The following SOX6 variants were observed in gnomAD, a reference collection of about 807,000 sequenced individuals.
SOX6 encodes the protein transcription factor SOX-6.
A neutral mutation model predicts 97.8 loss-of-function variants in SOX6; 11 were observed. The ratio of observed to expected loss-of-function variants is 0.11; its 90% CI spans 0.07 to 0.19. The LOEUF is 0.19. Among genes scored for constraint, SOX6 ranks in the 10% least tolerant of loss-of-function variants. SOX6 has a pLI of 1.00. For missense variants in SOX6, 810 were observed against 1,039.5 expected, an observed-to-expected ratio of 0.78 and a Z score of 3.04; for synonymous variants, 360 against 371.4, an observed-to-expected ratio of 0.97 and a Z score of 0.35.
chr11:16,099,635 A>C (rs1322554063), intron 7 of SOX6, among the ~76,000 whole-genome samples: 1 of 151,748 alleles, frequency 6.6e-6, no homozygotes, highest in Non-Finnish European at 1.5e-5. Flanking sequence ...ATTTTAAAAA[A>C]ATCAAACTCT....
chr11:16,427,063 G>A (rs568480990), intron 1 of SOX6, among the ~76,000 whole-genome samples: 1 of 152,102 alleles, frequency 6.6e-6, no homozygotes, highest in Non-Finnish European at 1.5e-5. Flanking sequence ...CATAAGCATA[G>A]GCAAAGATTT....
chr11:16,181,961 T>C (rs969992092), intron 6 of SOX6, among the ~76,000 whole-genome samples: 1 of 151,794 alleles, frequency 6.6e-6, no homozygotes, highest in African/African-American at 2.4e-5. Context: ...AAACTTCTAT[T>C]AGAAAACTTG....
intron 3 of SOX6, among the ~76,000 whole-genome samples, chr11:16,271,478 A>G (rs538358751): frequency 6.6e-6 from 1 of 151,584 alleles, no homozygotes; most frequent in Non-Finnish European, 1.5e-5. Context: ...ATTCTCCTGT[A>G]AAACTTTCTG....
chr11:16,473,627 C>T (rs907498960), intron 1 of SOX6, among the ~76,000 whole-genome samples: 3 of 150,844 alleles, frequency 2.0e-5, no homozygotes, highest in African/African-American at 7.3e-5. Context: ...TCTTGGCTCA[C>T]TGCAACCTCC....
intron 4 of SOX6, among the ~76,000 whole-genome samples, chr11:16,526,418 G>T (rs1026011970): frequency 3.3e-5 from 5 of 151,640 alleles, no homozygotes; most frequent in Non-Finnish European, 7.4e-5. Flanking sequence ...TCACTCATAG[G>T]TGGGAATTGA....
At chr11:16,576,036 G>A (rs796228162) in intron 4 of SOX6, among the ~76,000 whole-genome samples, 20 of 228 alleles carry the variant, frequency 0.088, 9 homozygotes, top group African/African-American at 0.089. Flanking sequence ...AACTACGGCC[G>A]GGCGCGGTGG....
At chr11:16,229,560 A>C (rs978525745) in intron 4 of SOX6, among the ~76,000 whole-genome samples, 1 of 151,998 alleles carries the variant, frequency 6.6e-6, no homozygotes, top group African/African-American at 2.4e-5. Flanking sequence ...AAAAAAGAGA[A>C]AACAAATATG....
intron 3 of SOX6, among the ~76,000 whole-genome samples, chr11:16,659,816 C>CT (rs1403690313): frequency 6.6e-6 from 1 of 152,026 alleles, no homozygotes; most frequent in Non-Finnish European, 1.5e-5. Flanking sequence ...ATACGGGGGC[C>CT]TATTCAGATT....
intron 1 of SOX6, among the ~76,000 whole-genome samples, chr11:16,343,360 CAACA>C (rs1161624333): frequency 4.6e-5 from 7 of 151,920 alleles, no homozygotes; most frequent in African/African-American, 1.4e-4. Context: ...TTACTTCCCT[CAACA>C]AACATCCTCT....
At chr11:16,493,880 T>G (rs1445346482) in intron 4 of SOX6, among the ~76,000 whole-genome samples, 2 of 152,204 alleles carry the variant, frequency 1.3e-5, no homozygotes, top group Non-Finnish European at 2.9e-5. Flanking sequence ...AAATTGAATA[T>G]AAGCTTTAAC....
chr11:16,358,644 A>C (rs924320362), upstream of SOX6, among the ~76,000 whole-genome samples: 1 of 152,162 alleles, frequency 6.6e-6, no homozygotes, highest in Admixed American at 6.6e-5. Context: ...AGAAATTAGC[A>C]GGATTTTTCT....
chr11:16,529,803 TC>T (rs1861214485), intron 4 of SOX6, among the ~76,000 whole-genome samples: 1 of 152,048 alleles, frequency 6.6e-6, no homozygotes, highest in African/African-American at 2.4e-5. Context: ...TTAACATTGA[TC>T]CCTTTAACAG....
At chr11:16,724,549 T>A (rs545470190) in intron 2 of SOX6, among the ~76,000 whole-genome samples, 1 of 151,842 alleles carries the variant, frequency 6.6e-6, no homozygotes, top group Non-Finnish European at 1.5e-5. Flanking sequence ...TGAGAATTTG[T>A]TAGAAATGTA....
At chr11:16,656,209 C>T (rs887321471) in intron 3 of SOX6, among the ~76,000 whole-genome samples, 1 of 152,092 alleles carries the variant, frequency 6.6e-6, no homozygotes, top group Admixed American at 6.5e-5. Context: ...TTCAGAGTAG[C>T]TGGGATTACA....
intron 6 of SOX6, among the ~76,000 whole-genome samples, chr11:16,122,215 A>T (rs1389108965): frequency 6.6e-6 from 1 of 152,048 alleles, no homozygotes; most frequent in Non-Finnish European, 1.5e-5. Context: ...TGAAGAGTTG[A>T]CTATTATGCA....
chr11:16,560,203 T>C (rs946024077), intron 4 of SOX6, among the ~76,000 whole-genome samples: 6 of 152,234 alleles, frequency 3.9e-5, no homozygotes, highest in African/African-American at 1.2e-4. Flanking sequence ...TAACCCCAGT[T>C]AAAATTGGAA....
intron 1 of SOX6, among the ~76,000 whole-genome samples, chr11:16,441,756 C>G (rs550038329): frequency 6.6e-6 from 1 of 152,206 alleles, no homozygotes; most frequent in African/African-American, 2.4e-5. Flanking sequence ...CTTTTTCCTC[C>G]TTCCAGCATA....
chr11:16,623,530 T>C (rs936816903), intron 3 of SOX6, among the ~76,000 whole-genome samples: 1 of 152,202 alleles, frequency 6.6e-6, no homozygotes, highest in Admixed American at 6.5e-5. Flanking sequence ...ACCCCACTGA[T>C]TGTGTTTTTT....
At chr11:16,725,175 A>G (rs1480669012) in intron 2 of SOX6, among the ~76,000 whole-genome samples, 1 of 152,266 alleles carries the variant, frequency 6.6e-6, no homozygotes, top group Non-Finnish European at 1.5e-5. Context: ...AATCTTATTC[A>G]GCCATAAAAA....
Sources: gnomAD v4.1 joint callset for allele counts (sites outside exome capture counted in the v4.1 genomes callset) on GRCh38, gnomAD v4.1.1 for gene constraint, MANE v1.5 for transcripts, NCBI Gene and HGNC (gene_info 2026-07-23, HGNC 2026-07-21) for gene names.